Variants in TCF4 observed in about 807,000 individuals in gnomAD.
The protein encoded by TCF4 is transcription factor 4, also known as SL3-3 enhancer factor 2.
A neutral mutation model predicts 82.1 loss-of-function variants in TCF4; 3 were observed. The observed-to-expected ratio is 0.04, with a 90% confidence interval of 0.02 to 0.09. The LOEUF (loss-of-function observed/expected upper bound fraction) is 0.09. Among genes scored for constraint, TCF4 ranks in the 10% least tolerant of loss-of-function variants. The pLI is 1.00. For synonymous variants in TCF4, 276 were observed against 309.6 expected (o/e 0.89, Z 1.14); for missense variants, 518 against 852.7 (o/e 0.61, Z 4.89).
At chr18:55,368,807 G>A (rs761677341) in intron 6 of TCF4, among the ~76,000 whole-genome samples, 2 of 152,170 alleles carry the variant, frequency 1.3e-5, no homozygotes, top group East Asian at 1.9e-4. Context: ...CAAATGCAAC[G>A]TGTGAACCTG....
chr18:55,586,976 A>T, intron 2 of TCF4, 69 bp downstream of exon 2: 1 of 1,358,166 alleles, frequency 7.4e-7, no homozygotes, highest in Non-Finnish European at 1.1e-6. Context: ...ACTGGTTTCT[A>T]GCTGAAGTGT....
intron 3 of TCF4, among the ~76,000 whole-genome samples, chr18:55,505,803 C>CAAAAAA (rs35471663): frequency 1.2e-5 from 1 of 83,116 alleles, no homozygotes; most frequent in African/African-American, 4.7e-5. Context: ...GACTCCGTCT[C>CAAAAAA]AAAAAAAAAA....
intron 2 of TCF4, chr18:55,596,180 A>G (rs1290389224): frequency 2.4e-6 from 1 of 412,434 alleles, no homozygotes. Flanking sequence ...CAGTGAGCTG[A>G]GATGGTGCCA....
At chr18:55,369,578 C>A (rs969268478) in intron 6 of TCF4, among the ~76,000 whole-genome samples, 3 of 152,218 alleles carry the variant, frequency 2.0e-5, no homozygotes, top group Admixed American at 6.5e-5. Context: ...ACATTCCCCA[C>A]AAGCACATCA....
intron 3 of TCF4, among the ~76,000 whole-genome samples, chr18:55,581,455 A>C (rs2097574358): frequency 6.6e-6 from 1 of 151,974 alleles, no homozygotes; most frequent in South Asian, 2.1e-4. Context: ...TAACCTGTTA[A>C]ATTACTCTGC....
At chr18:55,635,929 T>G in exon 1 of TCF4, 1 of 1,578,796 alleles carries the variant, frequency 6.3e-7, no homozygotes, top group Admixed American at 1.8e-5. Context: ...TAAGTGCCAA[T>G]CTACAAGAAA....
intron 6 of TCF4, among the ~76,000 whole-genome samples, chr18:55,387,996 G>T (rs2092741564): frequency 6.6e-6 from 1 of 152,196 alleles, no homozygotes; most frequent in African/African-American, 2.4e-5. Flanking sequence ...ACATCTCTGA[G>T]CTTTAGTTTT....
chr18:55,275,576 C>G, intron 10 of TCF4, 43 bp downstream of exon 10: 1 of 1,613,204 alleles, frequency 6.2e-7, no homozygotes, highest in Non-Finnish European at 8.5e-7. Context: ...GAGGTTTAAT[C>G]AACTAGCTGT....
chr18:55,544,432 T>G (rs1472259220), intron 3 of TCF4, among the ~76,000 whole-genome samples: 1 of 152,174 alleles, frequency 6.6e-6, no homozygotes, highest in African/African-American at 2.4e-5. Context: ...TAAAGTGGAC[T>G]CCCCTGCTCT....
intron 6 of TCF4, among the ~76,000 whole-genome samples, chr18:55,389,172 G>A (rs2092863751): frequency 6.6e-6 from 1 of 152,054 alleles, no homozygotes; most frequent in Non-Finnish European, 1.5e-5. Context: ...TCATTGGCAT[G>A]GTTAATTTAA....
intron 5 of TCF4, among the ~76,000 whole-genome samples, chr18:55,438,106 C>T (rs2095366272): frequency 1.3e-5 from 2 of 149,500 alleles, no homozygotes; most frequent in Admixed American, 1.3e-4. Flanking sequence ...GAGGCTGAGA[C>T]AGGAGAATTG....
At chr18:55,444,157 C>T (rs925688676) in intron 5 of TCF4, among the ~76,000 whole-genome samples, 8 of 152,140 alleles carry the variant, frequency 5.3e-5, no homozygotes, top group South Asian at 4.1e-4. Flanking sequence ...GACGAGGATA[C>T]GTATTAAGTC....
chr18:55,592,008 TTG>T (rs2097686043), upstream of TCF4, among the ~76,000 whole-genome samples: 4 of 152,208 alleles, frequency 2.6e-5, no homozygotes, highest in Admixed American at 2.0e-4. Context: ...TGTCTTCTTT[TTG>T]TTTTTGTTTT....
intron 8 of TCF4, among the ~76,000 whole-genome samples, chr18:55,344,277 A>T (rs1378383765): frequency 6.6e-6 from 1 of 152,224 alleles, no homozygotes; most frequent in Non-Finnish European, 1.5e-5. Flanking sequence ...CAATCAATTA[A>T]ATTTTAAAAG....
intron 3 of TCF4, chr18:55,469,659 T>A (rs552512819): frequency 1.3e-5 from 2 of 152,238 alleles, no homozygotes; most frequent in South Asian, 4.1e-4. Flanking sequence ...GTCAGCAAGA[T>A]CAAAACTATC....
At chr18:55,463,362 T>C (rs141282250) in intron 4 of TCF4, among the ~76,000 whole-genome samples, 1 of 152,306 alleles carries the variant, frequency 6.6e-6, no homozygotes, top group Non-Finnish European at 1.5e-5. Flanking sequence ...CAAGATCATA[T>C]ACATACAAGA....
At chr18:55,465,915 G>A (rs2096006517) in intron 3 of TCF4, among the ~76,000 whole-genome samples, 1 of 152,188 alleles carries the variant, frequency 6.6e-6, no homozygotes, top group Non-Finnish European at 1.5e-5. Context: ...TGGAGGAACA[G>A]ATTTGAATCC....
chr18:55,486,309 G>A (rs1053349080), intron 3 of TCF4, among the ~76,000 whole-genome samples: 1 of 152,196 alleles, frequency 6.6e-6, no homozygotes, highest in African/African-American at 2.4e-5. Flanking sequence ...AAGAAGGAAA[G>A]CCGGGCATGG....
intron 8 of TCF4, among the ~76,000 whole-genome samples, chr18:55,320,275 G>A (rs2075169241): frequency 6.6e-6 from 1 of 151,362 alleles, no homozygotes; most frequent in Non-Finnish European, 1.5e-5. Flanking sequence ...AAAACCATTT[G>A]TTTTAAAATT....
Sources: gnomAD v4.1 joint callset for allele counts (sites outside exome capture counted in the v4.1 genomes callset) on GRCh38, gnomAD v4.1.1 for gene constraint, MANE v1.5 for transcripts, NCBI Gene and HGNC (gene_info 2026-07-23, HGNC 2026-07-21) for gene names.